Variants in DNAI3 observed in about 807,000 individuals in gnomAD.
DNAI3 encodes the protein dynein axonemal intermediate chain 3.
A neutral mutation model predicts 115.5 loss-of-function variants in DNAI3; 83 were observed. That is an observed-to-expected ratio of 0.72 (90% CI 0.60 to 0.86). The LOEUF is 0.86. Among genes scored for constraint, DNAI3 ranks in the 40% least tolerant of loss-of-function variants. DNAI3 has a pLI of 0.00. For missense variants in DNAI3, 1,004 were observed against 1,075.8 expected (o/e 0.93, Z 0.93); for synonymous variants, 320 against 347.0 (o/e 0.92, Z 0.86).
chr1:85,128,832 T>C, intron 21 of DNAI3, 33 bp downstream of exon 21: 2 of 1,567,802 alleles, frequency 1.3e-6, no homozygotes, highest in Non-Finnish European at 1.7e-6. Flanking sequence ...TGAGAATTAA[T>C]GTGACCAGAT....
chr1:85,083,511 A>C (rs952509932), intron 5 of DNAI3, among the ~76,000 whole-genome samples: 4 of 152,022 alleles, frequency 2.6e-5, no homozygotes, highest in Admixed American at 2.6e-4. Flanking sequence ...ATAAAATAAA[A>C]GCTAACAGTT....
intron 11 of DNAI3, among the ~76,000 whole-genome samples, chr1:85,096,548 A>G (rs1017940275): frequency 6.7e-6 from 1 of 149,294 alleles, no homozygotes; most frequent in Admixed American, 6.7e-5. Flanking sequence ...ATGTATCTCA[A>G]TACCGTTTGC....
chr1:85,111,496 T>C (rs1655660960), intron 16 of DNAI3, among the ~76,000 whole-genome samples: 3 of 152,232 alleles, frequency 2.0e-5, no homozygotes, highest in Admixed American at 2.0e-4. Flanking sequence ...GTAATTTGCT[T>C]ACTTTGTGCT....
In DNAI3 at chr1:85,110,087, C is replaced by G; in HGVS notation, c.1738C>G (p.Pro580Ala). Residue 580 changes from proline to alanine, a missense_variant, in exon 16 of 23, where the codon CCA becomes GCA. Physicochemically the swap from Pro to Ala is conservative, Grantham distance 27. Coordinates refer to ENST00000294664, the MANE Select transcript of DNAI3 (RefSeq NM_145172.5). ...GGGTGAAACAAGTTTAGACCACTGT[C>G]CAACCAAGATAAGCCTGAATGAAGA... ...SKGETSLDHC[P>A]TKISLNEDHL... is the part of the protein sequence containing the mutation. The G allele has an allele frequency of 6.2e-7, 1 of 1,613,408 alleles. No individual in the cohort carries two copies. Among genetic ancestry groups the G allele is most frequent in the South Asian group, 1.1e-5 (1 of 91,058 alleles).
chr1:85,081,931 G>A (rs964710143), intron 4 of DNAI3, among the ~76,000 whole-genome samples: 4 of 152,178 alleles, frequency 2.6e-5, no homozygotes, highest in Admixed American at 6.5e-5. Flanking sequence ...ATCAGCCACC[G>A]TGCTCCGCCT....
rs537619180 is a variant in DNAI3 at position 85,098,402 on chromosome 1, T to G, written c.1351-128T>G. On this transcript the variant is annotated intron_variant, in intron 12 of 22. Transcript: ENST00000294664. ...CTAAATATATGATATAGAGAAACAC[T>G]AATTTATGTTTTTCCTTGAACTGGT... is the stretch of plus-strand genomic sequence containing the variant. The G allele has an allele frequency of 4.9e-5, 54 of 1,104,684 alleles. No individual in the cohort carries two copies. The African/African-American group carries it at 7.8e-4, about 16-fold the overall frequency. 68.4% of individuals were successfully genotyped at this position (1,104,684 alleles called of 1,614,324 possible). A position where few individuals can be genotyped will look rare whatever the true frequency, so the allele number is the denominator to read the frequency against.
chr1:85,069,231 T>A (rs1329957594), intron 1 of DNAI3, among the ~76,000 whole-genome samples: 1 of 152,198 alleles, frequency 6.6e-6, no homozygotes, highest in Non-Finnish European at 1.5e-5. Context: ...CCTTTAAACA[T>A]ACTGTTCCCT....
chr1:85,097,706 A>G, intron 12 of DNAI3, 51 bp downstream of exon 12: 3 of 1,510,050 alleles, frequency 2.0e-6, no homozygotes, highest in Non-Finnish European at 2.7e-6. Context: ...TGAAGAGTTT[A>G]TGGAAAAGTA....
rs868048222 is a variant in DNAI3 at position 85,066,679 on chromosome 1, A to C, written c.-15+4193A>C. 5.3e-5 allele frequency among the ~76,000 whole-genome samples: 8 copies of C among 152,138 alleles called. No homozygotes were observed. The East Asian group carries it at 1.5e-3, about 29-fold the overall frequency. On this transcript the variant is annotated intron_variant, in intron 1 of 22. Coordinates refer to ENST00000294664, the MANE Select transcript of DNAI3 (RefSeq NM_145172.5). ...ATTGATTTCAGCTGGGAACAGAAAA[A>C]ATGTTATGCATATTTCAAAGTAAAC... is the stretch of plus-strand genomic sequence containing the variant.
At chr1:85,082,216 G>A in intron 4 of DNAI3, 84 bp from the exon 5 acceptor site, 3 of 1,095,364 alleles carry the variant, frequency 2.7e-6, no homozygotes, top group Non-Finnish European at 4.0e-6. Flanking sequence ...TGGTTGATTA[G>A]CGAAATGTGA....
Position 85,071,663 on chromosome 1 carries a change from G to T in DNAI3, c.-14-265G>T, listed in dbSNP as rs367786274. Among the ~76,000 whole-genome samples, 30 of 152,192 alleles carry T rather than the reference G, an allele frequency of 2.0e-4. No individual in the cohort carries two copies. The South Asian group carries it at 6.0e-3, about 31-fold the overall frequency. On this transcript the variant is annotated intron_variant, in intron 1 of 22. Coordinates refer to ENST00000294664, the MANE Select transcript of DNAI3 (RefSeq NM_145172.5). ...GTCGTGCTTCCATGGCAGGACCTATGGCTGAGACTTTGTTCTGGCAGGTCA... is the reference window on the plus strand; with the variant it reads ...GTCGTGCTTCCATGGCAGGACCTATTGCTGAGACTTTGTTCTGGCAGGTCA...
intron 16 of DNAI3, 89 bp downstream of exon 16, chr1:85,110,224 G>A: frequency 7.0e-6 from 8 of 1,149,924 alleles, no homozygotes; most frequent in Non-Finnish European, 8.7e-6. Flanking sequence ...GGCTGAGGCG[G>A]GCGGATCACG....
At chr1:85,123,513 G>A (rs1316259517) in intron 18 of DNAI3, among the ~76,000 whole-genome samples, 1 of 152,134 alleles carries the variant, frequency 6.6e-6, no homozygotes, top group Non-Finnish European at 1.5e-5. Context: ...TTTGGTGTGT[G>A]TTGTTTCCAC....
rs976941652 is a variant in DNAI3 at position 85,126,865 on chromosome 1, C to G, written c.2317+150C>G. 3.4e-5 allele frequency: 26 copies of G among 755,686 alleles called. 1 individual carries two copies. Among genetic ancestry groups the G allele is most frequent in the Middle Eastern group, 7.3e-4 (2 of 2,754 alleles). 46.8% of individuals were successfully genotyped at this position (755,686 alleles called of 1,614,324 possible). On this transcript the variant is annotated intron_variant, in intron 20 of 22. Transcript: ENST00000294664. ...TTATCCCTTCCCTTCTCTTCCTTTC[C>G]TTTTCATTCTTCTCTCTTCCCTTTC...
At chr1:85,113,082 A>G (rs1443846045) in intron 16 of DNAI3, among the ~76,000 whole-genome samples, 1 of 151,958 alleles carries the variant, frequency 6.6e-6, no homozygotes, top group Non-Finnish European at 1.5e-5. Context: ...TTGTTTTCTT[A>G]TTATTGAATT....
intron 10 of DNAI3, 91 bp downstream of exon 10, chr1:85,094,646 A>C: frequency 6.9e-7 from 1 of 1,440,294 alleles, no homozygotes; most frequent in Non-Finnish European, 9.4e-7. Context: ...GTACTTTATA[A>C]TCATGTAATG....
chr1:85,079,358 A>G (rs761678639), intron 3 of DNAI3, among the ~76,000 whole-genome samples: 1 of 152,258 alleles, frequency 6.6e-6, no homozygotes, highest in Non-Finnish European at 1.5e-5. Context: ...GCTTCTGCAT[A>G]TAATCAGTGT....
intron 7 of DNAI3, among the ~76,000 whole-genome samples, chr1:85,088,976 A>G (rs1399425211): frequency 1.3e-5 from 2 of 152,106 alleles, no homozygotes; most frequent in Non-Finnish European, 2.9e-5. Flanking sequence ...TGACCTAAAC[A>G]AGGAAAAAAA....
intron 21 of DNAI3, among the ~76,000 whole-genome samples, chr1:85,129,741 C>T (rs1373761258): frequency 6.6e-6 from 1 of 152,136 alleles, no homozygotes; most frequent in Admixed American, 6.5e-5. Flanking sequence ...ATTGTACCAG[C>T]TCCTCTGGTA....
Sources: gnomAD v4.1 joint callset for allele counts (sites outside exome capture counted in the v4.1 genomes callset) on GRCh38, gnomAD v4.1.1 for gene constraint, MANE v1.5 for transcripts, NCBI Gene and HGNC (gene_info 2026-07-23, HGNC 2026-07-21) for gene names.